GAB2: variants seen among roughly 807,000 people sequenced by gnomAD.
The protein encoded by GAB2 is GRB2 associated binding protein 2.
GAB2 carries 26 observed loss-of-function variants against 65.5 expected under a neutral mutation model. The observed-to-expected ratio is 0.40, with a 90% CI of 0.29 to 0.55. The LOEUF is 0.55. GAB2 is among the 20% of genes least tolerant of loss of function. The pLI, the probability that GAB2 is intolerant of heterozygous loss-of-function variation, is 0.53. For synonymous variants in GAB2, 321 were observed against 329.6 expected, an observed-to-expected ratio of 0.97 and a Z score of 0.28; for missense variants, 884 against 875.8, an observed-to-expected ratio of 1.01 and a Z score of -0.12.
intron 1 of GAB2, among the ~76,000 whole-genome samples, chr11:78,311,142 T>C (rs1438691585): frequency 6.6e-6 from 1 of 152,228 alleles, no homozygotes; most frequent in Non-Finnish European, 1.5e-5. Flanking sequence ...CTTCATAAAA[T>C]ATACATCTGC....
rs920180429 is a variant in GAB2 at position 78,217,537 on chromosome 11, G to A, written c.*1735C>T. 1 of 152,276 alleles carries A rather than the reference G, an allele frequency of 6.6e-6. No homozygotes were observed. The highest frequency in any genetic ancestry group is 2.4e-5 in the African/African-American group (1 of 41,458). The allele number at this position is 152,276 out of a possible 1,614,324, so 9.4% of individuals were successfully genotyped here. A position where few individuals can be genotyped will look rare whatever the true frequency, so the allele number is the denominator to read the frequency against. On this transcript the variant is annotated 3_prime_UTR_variant, in exon 10 of 10. Coordinates refer to ENST00000361507, the MANE Select transcript of GAB2 (RefSeq NM_080491.3). ...CTGTCCCCATCAAACATGGCAGGAA[G>A]TCATTGTTTGGGAGGAAGAAGTTCT...
Position 78,417,689 on chromosome 11 carries a change from C to A in GAB2, c.32G>T (p.Gly11Val). The change falls in exon 1 of 10, where the codon GGC becomes GTC. Residue 11 changes from glycine to valine, a missense_variant. By Grantham distance (109) the Gly-to-Val change is moderately radical. Coordinates refer to ENST00000361507, the MANE Select transcript of GAB2 (RefSeq NM_080491.3). MSGGGDVVCT[G>V]WLRKSPPEKK... ...CTCGGGAGGCGATTTCCTCAGCCAG[C>A]CGGTGCACACCACGTCGCCGCCGCC... 1 of 1,371,186 alleles carries A rather than the reference C, an allele frequency of 7.3e-7. No individual in the cohort carries two copies. The highest frequency in any genetic ancestry group is 1.4e-5 in the South Asian group (1 of 73,446). 84.9% of individuals were successfully genotyped at this position (1,371,186 alleles called of 1,614,324 possible). A position where few individuals can be genotyped will look rare whatever the true frequency, so the allele number is the denominator to read the frequency against.
chr11:78,417,686 C>A lies in GAB2; in HGVS notation c.35G>T (p.Trp12Leu). 7.2e-7 allele frequency: 1 copy of A among 1,389,726 alleles called. No homozygotes were observed. Among genetic ancestry groups the A allele is most frequent in the Non-Finnish European group, 9.5e-7 (1 of 1,048,662 alleles). 86.1% of individuals were successfully genotyped at this position (1,389,726 alleles called of 1,614,324 possible). A position where few individuals can be genotyped will look rare whatever the true frequency, so the allele number is the denominator to read the frequency against. The change falls in exon 1 of 10, where the codon TGG (tryptophan) becomes TTG (leucine). Residue 12 changes from tryptophan to leucine, a missense_variant. Transcript: ENST00000361507. ...CTTCTCGGGAGGCGATTTCCTCAGC[C>A]AGCCGGTGCACACCACGTCGCCGCC... is the stretch of plus-strand genomic sequence containing the variant. The part of the protein sequence containing the change: ...SGGGDVVCTG[W>L]LRKSPPEKKL...
chr11:78,410,530 A>T (rs1857113652), intron 1 of GAB2, among the ~76,000 whole-genome samples: 1 of 152,168 alleles, frequency 6.6e-6, no homozygotes. Context: ...ATAATAATGA[A>T]GCAATGTCAG....
chr11:78,372,787 T>TGGGTCA (rs1856588383), intron 1 of GAB2, among the ~76,000 whole-genome samples: 2 of 152,168 alleles, frequency 1.3e-5, no homozygotes, highest in African/African-American at 4.8e-5. Context: ...TCATATAATA[T>TGGGTCA]AGTTGCTCAA....
intron 3 of GAB2, among the ~76,000 whole-genome samples, chr11:78,227,939 T>C (rs930512998): frequency 1.3e-5 from 2 of 152,216 alleles, no homozygotes; most frequent in African/African-American, 2.4e-5. Flanking sequence ...GAAATCTATA[T>C]GAAGAATGGT....
chr11:78,406,445 T>C (rs920420407), intron 1 of GAB2, among the ~76,000 whole-genome samples: 1 of 152,166 alleles, frequency 6.6e-6, no homozygotes, highest in Non-Finnish European at 1.5e-5. Flanking sequence ...TGGCATGATC[T>C]TGGCTCAGAG....
At chr11:78,330,035 G>A (rs1414502031) in intron 1 of GAB2, among the ~76,000 whole-genome samples, 1 of 152,206 alleles carries the variant, frequency 6.6e-6, no homozygotes, top group Non-Finnish European at 1.5e-5. Flanking sequence ...ATAGACGTTT[G>A]ATTGTTTTAT....
rs1438342825 is a variant in GAB2, at chr11:78,215,675, A to G, written c.*3597T>C. ...AAATACACAACACATGCCACCATAA[A>G]TCACATGACAGCCTGGATCTCTTGG... On this transcript the variant is annotated 3_prime_UTR_variant, in exon 10 of 10. Coordinates refer to ENST00000361507, the MANE Select transcript of GAB2 (RefSeq NM_080491.3). The G allele has an allele frequency of 1.3e-5, 2 of 152,282 alleles. No homozygotes were observed. The highest frequency in any genetic ancestry group is 2.9e-5 in the Non-Finnish European group (2 of 68,036). The allele number at this position is 152,282 out of a possible 1,614,324, so 9.4% of individuals were successfully genotyped here.
chr11:78,411,771 C>T (rs1302521183), intron 1 of GAB2, among the ~76,000 whole-genome samples: 1 of 151,798 alleles, frequency 6.6e-6, no homozygotes, highest in Non-Finnish European at 1.5e-5. Context: ...GTGGCTCACG[C>T]CTGTAATCCC....
rs534814220 is a variant in GAB2, at chr11:78,383,581, C to CAAAA, written c.75+34061_75+34064dup. ...GCAACATGGCAAAACCCTGTCTCTC[C>CAAAA]AAAAAAAAAAAAAAAAAAATACAAA... On this transcript the variant is annotated intron_variant, in intron 1 of 9. Transcript: ENST00000361507. Among the ~76,000 whole-genome samples the CAAAA allele has an allele frequency of 2.5e-4, 14 of 55,574 alleles. No individual in the cohort carries two copies. In the South Asian group the frequency reaches 4.7e-3, roughly 19 times the overall value. The allele number at this position is 55,574 out of a possible 152,430, so 36.5% of individuals were successfully genotyped here. A position where few individuals can be genotyped will look rare whatever the true frequency, so the allele number is the denominator to read the frequency against.
chr11:78,288,382 G>GAAAAAAAAAAAAAA (rs369041941), intron 1 of GAB2, among the ~76,000 whole-genome samples: 2 of 119,486 alleles, frequency 1.7e-5, no homozygotes, highest in African/African-American at 6.3e-5. Context: ...CCATCTCAAA[G>GAAAAAAAAAAAAAA]AAAAAAAAAA....
intron 1 of GAB2, among the ~76,000 whole-genome samples, chr11:78,382,224 C>T (rs2134739715): frequency 6.6e-6 from 1 of 152,220 alleles, no homozygotes; most frequent in African/African-American, 2.4e-5. Context: ...CAGTGGCTCT[C>T]AGTTAACCGT....
rs201966341 is a variant in GAB2 at position 78,219,325 on chromosome 11, C to G, written c.1978G>C (p.Glu660Gln). ...KTQALQNTMQ[E>Q]WTDVRQSSEP... ...GAGGACTGCCGCACGTCTGTCCACT[C>G]CTGCATGGTGTTCTGCAGGGCCTGG... Residue 660 changes from glutamate to glutamine, a missense_variant, in exon 10 of 10, where the codon GAG becomes CAG. Physicochemically the swap from Glu to Gln is conservative, Grantham distance 29 (BLOSUM62 2). Coordinates refer to ENST00000361507, the MANE Select transcript of GAB2 (RefSeq NM_080491.3). 1 of 1,614,012 alleles carries G rather than the reference C, an allele frequency of 6.2e-7. No individual in the cohort carries two copies. Among genetic ancestry groups the G allele is most frequent in the Non-Finnish European group, 8.5e-7 (1 of 1,179,980 alleles).
chr11:78,337,887 GA>G (rs1236240785), intron 1 of GAB2, among the ~76,000 whole-genome samples: 1 of 152,206 alleles, frequency 6.6e-6, no homozygotes. Context: ...CTGTAGCTCA[GA>G]GTGGTTTGAG....
At chr11:78,386,718 G>C (rs1163917028) in intron 1 of GAB2, among the ~76,000 whole-genome samples, 1 of 152,214 alleles carries the variant, frequency 6.6e-6, no homozygotes, top group Admixed American at 6.5e-5. Context: ...CTAATACCAG[G>C]AGGGAACATC....
At chr11:78,326,843 C>A (rs1243434141) in intron 1 of GAB2, among the ~76,000 whole-genome samples, 2 of 152,094 alleles carry the variant, frequency 1.3e-5, no homozygotes, top group Non-Finnish European at 2.9e-5. Context: ...TAAAATTTCC[C>A]CATAAGCTAT....
intron 1 of GAB2, among the ~76,000 whole-genome samples, chr11:78,370,356 C>A (rs1317857644): frequency 6.6e-6 from 1 of 151,880 alleles, no homozygotes; most frequent in Non-Finnish European, 1.5e-5. Context: ...TTTTGGTGCA[C>A]ATTAATCATA....
chr11:78,274,182 G>A (rs1366309175), intron 2 of GAB2, among the ~76,000 whole-genome samples: 4 of 152,174 alleles, frequency 2.6e-5, no homozygotes, highest in African/African-American at 7.2e-5. Context: ...GCTGAGGTGG[G>A]AGGATCACTT....
Sources: allele counts gnomAD v4.1 joint callset (sites outside exome capture counted in the v4.1 genomes callset), GRCh38; gene constraint gnomAD v4.1.1; transcripts MANE v1.5; gene names NCBI Gene and HGNC (gene_info 2026-07-23, HGNC 2026-07-21).